The following ACTMAP variants were observed in gnomAD, a reference collection of about 807,000 sequenced individuals.
ACTMAP encodes actin maturation protease.
At chr19:40,741,534 C>T in the ACTMAP span, 1 of 357,778 alleles carries the variant, frequency 2.8e-6, no homozygotes, top group Non-Finnish European at 5.6e-6. Flanking sequence ...CCTGTTCCTC[C>T]TTCAGAGTGG....
chr19:40,749,457 G>A, the ACTMAP span: 5 of 1,543,578 alleles, frequency 3.2e-6, no homozygotes, highest in Non-Finnish European at 4.4e-6. Flanking sequence ...AGCCTGGGTG[G>A]TGGGTGGGGC....
chr19:40,743,101 A>G, the ACTMAP span, among the ~76,000 whole-genome samples: 1 of 152,094 alleles, frequency 6.6e-6, no homozygotes, highest in African/African-American at 2.4e-5. Context: ...CAAAGCCATG[A>G]AGAAGCTGAG....
At chr19:40,749,407 C>A in the ACTMAP span, 13 of 1,402,102 alleles carry the variant, frequency 9.3e-6, no homozygotes, top group African/African-American at 1.5e-5. Flanking sequence ...CACGGGAACC[C>A]CCCCCCCACC....
the ACTMAP span, chr19:40,740,931 T>C: frequency 2.5e-6 from 1 of 398,570 alleles, no homozygotes; most frequent in South Asian, 1.3e-4. Flanking sequence ...AACAGGATAA[T>C]GAGCAGTTTG....
chr19:40,746,605 G>A, the ACTMAP span, among the ~76,000 whole-genome samples: 1 of 152,176 alleles, frequency 6.6e-6, no homozygotes, highest in Non-Finnish European at 1.5e-5. Context: ...TCGATCTCCT[G>A]ACTTCGTGAT....
At chr19:40,741,087 C>T in the ACTMAP span, 2 of 398,774 alleles carry the variant, frequency 5.0e-6, no homozygotes, top group Non-Finnish European at 8.8e-6. Context: ...GATGCACAGA[C>T]AGGCTGATCA....
chr19:40,745,295 G>A, the ACTMAP span: 10 of 1,193,980 alleles, frequency 8.4e-6, no homozygotes, highest in African/African-American at 1.2e-4. Context: ...GGATGATGAA[G>A]GGAATATGGG....
At chr19:40,745,955 G>C in the ACTMAP span, among the ~76,000 whole-genome samples, 1 of 152,210 alleles carries the variant, frequency 6.6e-6, no homozygotes, top group Non-Finnish European at 1.5e-5. Context: ...TTATAGGCGT[G>C]AGCCACCGTG....
the ACTMAP span, among the ~76,000 whole-genome samples, chr19:40,745,973 CTT>C: frequency 1.3e-5 from 2 of 152,114 alleles, no homozygotes; most frequent in Non-Finnish European, 2.9e-5. Context: ...GTGCCCGACT[CTT>C]TTTATTTTTA....
chr19:40,744,915 G>A, the ACTMAP span: 1 of 793,126 alleles, frequency 1.3e-6, no homozygotes, highest in Non-Finnish European at 2.0e-6. Flanking sequence ...TGGAGTTAGA[G>A]AGATGGACCA....
the ACTMAP span, among the ~76,000 whole-genome samples, chr19:40,743,452 C>T: frequency 4.6e-5 from 7 of 152,122 alleles, no homozygotes; most frequent in Non-Finnish European, 7.4e-5. Flanking sequence ...AGGCTGGTCT[C>T]AAACTCCTGA....
the ACTMAP span, chr19:40,749,740 G>C: frequency 6.7e-7 from 1 of 1,493,798 alleles, no homozygotes; most frequent in Non-Finnish European, 8.9e-7. Context: ...CTGCTGGCTT[G>C]GGGTACAGGG....
chr19:40,749,761 G>C, the ACTMAP span: 26 of 1,480,480 alleles, frequency 1.8e-5, no homozygotes, highest in Non-Finnish European at 2.0e-5. Flanking sequence ...GTTTTTGGAG[G>C]AGAAATTGGT....
the ACTMAP span, chr19:40,749,862 A>C: frequency 8.2e-7 from 1 of 1,216,250 alleles, no homozygotes; most frequent in Non-Finnish European, 1.1e-6. Context: ...GGATCCTCCA[A>C]CGGAGAACGG....
chr19:40,742,095 T>G, the ACTMAP span: 1 of 531,994 alleles, frequency 1.9e-6, no homozygotes, highest in Non-Finnish European at 3.6e-6. Flanking sequence ...AGGGGTGAGC[T>G]GAGGCTGACG....
At chr19:40,741,441 T>TA in the ACTMAP span, 338 of 200,802 alleles carry the variant, frequency 1.7e-3, no homozygotes, top group South Asian at 6.2e-3. Context: ...AGACTCCATC[T>TA]AAAAAAAAAA....
chr19:40,745,140 C>T, the ACTMAP span: 1 of 1,551,948 alleles, frequency 6.4e-7, no homozygotes, highest in Non-Finnish European at 8.7e-7. Context: ...TGAGGGCCTT[C>T]TTGGATGAGG....
At chr19:40,750,123 G>T in the ACTMAP span, among the ~76,000 whole-genome samples, 1 of 152,138 alleles carries the variant, frequency 6.6e-6, no homozygotes, top group Admixed American at 6.5e-5. Context: ...ATTCTTTGGG[G>T]CTGGATGTGG....
At chr19:40,742,283 G>T in the ACTMAP span, 1 of 810,262 alleles carries the variant, frequency 1.2e-6, no homozygotes, top group Non-Finnish European at 2.0e-6. Context: ...ACCAGCTGGT[G>T]CTCAATACTG....
Sources: allele counts gnomAD v4.1 joint callset (sites outside exome capture counted in the v4.1 genomes callset), GRCh38; gene constraint gnomAD v4.1.1; transcripts MANE v1.5; gene names NCBI Gene and HGNC (gene_info 2026-07-23, HGNC 2026-07-21).